Variants in NUDT3 observed in about 807,000 individuals in gnomAD.
NUDT3 encodes diphosphoinositol polyphosphate phosphohydrolase 1.
A neutral mutation model predicts 23.6 loss-of-function variants in NUDT3; 9 were observed. That is an observed-to-expected ratio of 0.38 (90% CI 0.23 to 0.66). The LOEUF (loss-of-function observed/expected upper bound fraction) is 0.66. Ranked by LOEUF, NUDT3 falls within the 30% of genes least tolerant of loss-of-function variation. NUDT3 has a pLI of 0.52. For synonymous variants in NUDT3, 86 were observed against 82.6 expected, an observed-to-expected ratio of 1.04 and a Z score of -0.22; for missense variants, 172 against 218.5, an observed-to-expected ratio of 0.79 and a Z score of 1.34.
Position 34,289,748 on chromosome 6 carries a change from T to C in NUDT3, c.341-817A>G, listed in dbSNP as rs140175534. ...CACTTTTATTTTTCAGTCTATTTTCTTACTCTTTTCTAGTCCATGCTTTAA... is the reference window on the plus strand; with the variant it reads ...CACTTTTATTTTTCAGTCTATTTTCCTACTCTTTTCTAGTCCATGCTTTAA... On this transcript the variant is annotated intron_variant, in intron 4 of 4. Transcript: ENST00000607016. Among the ~76,000 whole-genome samples, 34 of 152,378 alleles carry C rather than the reference T, an allele frequency of 2.2e-4. No individual in the cohort carries two copies. In the East Asian group the frequency reaches 5.8e-3, roughly 26 times the overall value.
At chr6:34,346,702 G>A (rs187088624) in intron 1 of NUDT3, among the ~76,000 whole-genome samples, 75 of 151,854 alleles carry the variant, frequency 4.9e-4, no homozygotes, top group African/African-American at 1.7e-3. Context: ...AGCTCTCCTC[G>A]GTAAGTTTCC....
intron 1 of NUDT3, among the ~76,000 whole-genome samples, chr6:34,364,943 C>T (rs371944489): frequency 2.4e-4 from 37 of 152,202 alleles, no homozygotes; most frequent in African/African-American, 8.4e-4. Context: ...ATGGCGTGAA[C>T]CCAGGAGGTG....
rs114652794 is a variant in NUDT3, at chr6:34,342,900, C to T, written c.100-928G>A. The stretch of plus-strand genomic sequence containing the variant: ...TCCACCACTGCCTTCTAGTTACTAA[C>T]ATTCCAGTCATCCCCAGCCTCTTCC... On this transcript the variant is annotated intron_variant, in intron 1 of 4. Transcript: ENST00000607016. Among the ~76,000 whole-genome samples, 1,131 of 152,312 alleles carry T rather than the reference C, an allele frequency of 7.4e-3. 13 individuals carry two copies. The highest frequency in any genetic ancestry group is 0.024 in the Middle Eastern group (7 of 294).
intron 2 of NUDT3, among the ~76,000 whole-genome samples, chr6:34,317,997 C>CTAAG (rs1268194881): frequency 6.6e-6 from 1 of 152,116 alleles, no homozygotes; most frequent in Admixed American, 6.6e-5. Flanking sequence ...AATTAAAACT[C>CTAAG]TAAGAATAGC....
chr6:34,358,319 T>G (rs768073716), intron 1 of NUDT3, among the ~76,000 whole-genome samples: 31 of 151,080 alleles, frequency 2.1e-4, no homozygotes, highest in Non-Finnish European at 3.7e-4. Context: ...AGGAATCAAG[T>G]TGAATTTATA....
At chr6:34,290,239 TTCTC>T (rs1191815318) in intron 4 of NUDT3, among the ~76,000 whole-genome samples, 6 of 148,784 alleles carry the variant, frequency 4.0e-5, no homozygotes, top group Admixed American at 6.7e-5. Flanking sequence ...TTCTTTTTCT[TTCTC>T]TCTTTTTTTT....
chr6:34,366,010 T>C (rs1051071958), intron 1 of NUDT3, among the ~76,000 whole-genome samples: 1 of 152,054 alleles, frequency 6.6e-6, no homozygotes, highest in African/African-American at 2.4e-5. Context: ...CACTGCACTC[T>C]AGCCTGAGAG....
chr6:34,342,963 C>A (rs986461646), intron 1 of NUDT3, among the ~76,000 whole-genome samples: 1 of 152,190 alleles, frequency 6.6e-6, no homozygotes, highest in East Asian at 1.9e-4. Flanking sequence ...GGAAACTCTA[C>A]CTTCATCCTC....
intron 1 of NUDT3, among the ~76,000 whole-genome samples, chr6:34,381,216 C>T (rs1203137322): frequency 6.6e-6 from 1 of 152,080 alleles, no homozygotes; most frequent in Non-Finnish European, 1.5e-5. Flanking sequence ...CGAGGTCCCA[C>T]TACATTGCTC....
intron 1 of NUDT3, among the ~76,000 whole-genome samples, chr6:34,362,697 C>T (rs1401711449): frequency 6.6e-6 from 1 of 152,008 alleles, no homozygotes; most frequent in Non-Finnish European, 1.5e-5. Context: ...TTCAAGTGAT[C>T]CCCCCACCTC....
At chr6:34,351,216 A>AAAAAAAAAAAAAAAAAAAAAAC (rs1561915130) in intron 1 of NUDT3, among the ~76,000 whole-genome samples, 2 of 130,732 alleles carry the variant, frequency 1.5e-5, no homozygotes, top group African/African-American at 3.4e-5. Context: ...AAAAAAAAAA[A>AAAAAAAAAAAAAAAAAAAAAAC]AAAAAAAAAA....
intron 1 of NUDT3, among the ~76,000 whole-genome samples, chr6:34,350,937 T>G (rs1309776838): frequency 6.6e-6 from 1 of 150,378 alleles, no homozygotes. Flanking sequence ...AAGAACAATA[T>G]GAAAAGGTTT....
chr6:34,350,975 T>A (rs1164108131), intron 1 of NUDT3, among the ~76,000 whole-genome samples: 4 of 149,952 alleles, frequency 2.7e-5, no homozygotes, highest in Admixed American at 1.3e-4. Context: ...TACACAGATA[T>A]CGGCGCCAGG....
intron 1 of NUDT3, among the ~76,000 whole-genome samples, chr6:34,390,080 A>G (rs147286510): frequency 0.077 from 11,654 of 151,936 alleles, 906 homozygotes; most frequent in African/African-American, 0.2. Context: ...GGAGGTTGCA[A>G]TGAGCCGAGA....
intron 2 of NUDT3, among the ~76,000 whole-genome samples, chr6:34,321,954 T>C (rs984943508): frequency 1.3e-5 from 2 of 152,242 alleles, no homozygotes; most frequent in Admixed American, 6.5e-5. Flanking sequence ...TTTGTTGTTG[T>C]TGTTTTACCG....
chr6:34,378,866 C>T (rs913736993), intron 1 of NUDT3, among the ~76,000 whole-genome samples: 5 of 152,310 alleles, frequency 3.3e-5, no homozygotes, highest in South Asian at 2.1e-4. Flanking sequence ...CAATACACTC[C>T]GCATCCCTGC....
At chr6:34,294,736 AAAAG>A (rs958889865) in intron 3 of NUDT3, among the ~76,000 whole-genome samples, 2 of 152,060 alleles carry the variant, frequency 1.3e-5, no homozygotes, top group African/African-American at 4.8e-5. Context: ...AAAAAAAAAA[AAAAG>A]ATTTATTTAC....
At chr6:34,322,648 GGT>G (rs1361154754) in intron 2 of NUDT3, among the ~76,000 whole-genome samples, 3 of 152,210 alleles carry the variant, frequency 2.0e-5, no homozygotes, top group African/African-American at 7.2e-5. Flanking sequence ...TGTGAACCTA[GGT>G]TAAGGCCTAG....
intron 2 of NUDT3, among the ~76,000 whole-genome samples, chr6:34,320,401 A>C (rs1763923364): frequency 6.6e-6 from 1 of 151,932 alleles, no homozygotes; most frequent in Non-Finnish European, 1.5e-5. Flanking sequence ...TGATTTTTGT[A>C]TTTTTAGAGA....
Sources: gnomAD v4.1 joint callset for allele counts (sites outside exome capture counted in the v4.1 genomes callset) on GRCh38, gnomAD v4.1.1 for gene constraint, MANE v1.5 for transcripts, NCBI Gene and HGNC (gene_info 2026-07-23, HGNC 2026-07-21) for gene names.